Variants in CNGB3 observed in about 807,000 individuals in gnomAD.
CNGB3 encodes cyclic nucleotide gated channel subunit beta 3.
Under a neutral mutation model 92.8 loss-of-function variants are expected in CNGB3, and 86 were observed. That is an observed-to-expected ratio of 0.93 (90% CI 0.78 to 1.11). The LOEUF is 1.11. CNGB3 is among the 50% of genes least tolerant of loss of function. CNGB3 has a pLI of 0.00. For synonymous variants in CNGB3, 333 were observed against 332.7 expected (o/e 1.00, Z -0.01); for missense variants, 1,026 against 956.8 (o/e 1.07, Z -0.95).
intron 3 of CNGB3, among the ~76,000 whole-genome samples, chr8:86,690,524 T>A (rs1350886660): frequency 6.6e-6 from 1 of 152,240 alleles, no homozygotes; most frequent in Non-Finnish European, 1.5e-5. Flanking sequence ...TTCACTCTGA[T>A]GGTAGTTTCT....
At chr8:86,597,013 C>A (rs1320681603) in intron 15 of CNGB3, among the ~76,000 whole-genome samples, 1 of 143,906 alleles carries the variant, frequency 6.9e-6, no homozygotes, top group African/African-American at 2.6e-5. Context: ...ACATCATACA[C>A]TGGGGCCTGT....
chr8:86,580,841 G>A (rs1219453306), intron 15 of CNGB3, among the ~76,000 whole-genome samples: 1 of 152,176 alleles, frequency 6.6e-6, no homozygotes, highest in Non-Finnish European at 1.5e-5. Flanking sequence ...ACCCCTTGGA[G>A]TTAATCTGTT....
chr8:86,660,862 A>T, intron 6 of CNGB3: 1 of 403,976 alleles, frequency 2.5e-6, no homozygotes, highest in Non-Finnish European at 5.1e-6. Flanking sequence ...TCCTCTTCAT[A>T]AGGCCAGTTA....
chr8:86,578,759 G>C lies in CNGB3; in HGVS notation c.2033C>G (p.Thr678Ser). The C allele has an allele frequency of 6.2e-7, 1 of 1,614,080 alleles. No individual in the cohort carries two copies. Among genetic ancestry groups the C allele is most frequent in the Non-Finnish European group, 8.5e-7 (1 of 1,179,990 alleles). ...TGCTTTTCCTGTGCCTCCTAGGAGA[G>C]TTTTAAACAGTTTGGGTGTCTCTTC... ...PKEETPKLFK[T>S]LLGGTGKASL... Residue 678 changes from threonine (T) to serine (S), a missense_variant, in exon 17 of 18, where the codon ACT (threonine) becomes AGT (serine). By Grantham distance (58) the Thr-to-Ser change is moderately conservative. Transcript: ENST00000320005.
chr8:86,739,238 G>T (rs1183427345), intron 2 of CNGB3, among the ~76,000 whole-genome samples: 1 of 152,206 alleles, frequency 6.6e-6, no homozygotes, highest in Non-Finnish European at 1.5e-5. Flanking sequence ...GAGCAGAGGT[G>T]TGAGTGCTAA....
chr8:86,689,086 G>A (rs1241118055), intron 3 of CNGB3, among the ~76,000 whole-genome samples: 1 of 150,734 alleles, frequency 6.6e-6, no homozygotes, highest in Non-Finnish European at 1.5e-5. Flanking sequence ...TGTGTGTATA[G>A]TTTCCTCTTG....
At chr8:86,608,497 T>C (rs1184623366) in intron 14 of CNGB3, among the ~76,000 whole-genome samples, 1 of 152,208 alleles carries the variant, frequency 6.6e-6, no homozygotes, top group Non-Finnish European at 1.5e-5. Flanking sequence ...GAGAAGACTC[T>C]GCTCCTCCAC....
intron 14 of CNGB3, among the ~76,000 whole-genome samples, chr8:86,609,382 A>C (rs1242967497): frequency 6.6e-6 from 1 of 152,152 alleles, no homozygotes; most frequent in East Asian, 1.9e-4. Flanking sequence ...TCATATCACC[A>C]ATCTGCCTTC....
chr8:86,670,577 C>CT (rs1437516165), intron 4 of CNGB3, among the ~76,000 whole-genome samples: 7 of 151,690 alleles, frequency 4.6e-5, no homozygotes, highest in Middle Eastern at 3.2e-3. Flanking sequence ...TATTCTTTTT[C>CT]TTTTTTTTAA....
intron 10 of CNGB3, among the ~76,000 whole-genome samples, chr8:86,641,421 C>G (rs1823183476): frequency 6.6e-6 from 1 of 151,838 alleles, no homozygotes; most frequent in South Asian, 2.1e-4. Flanking sequence ...TGGACTTGCC[C>G]CAAATTCTTT....
chr8:86,731,475 G>A (rs1388836711), intron 2 of CNGB3, among the ~76,000 whole-genome samples: 1 of 152,184 alleles, frequency 6.6e-6, no homozygotes, highest in Non-Finnish European at 1.5e-5. Flanking sequence ...GAAAAAGAAC[G>A]TGGATCCATC....
chr8:86,637,546 T>A (rs998197759), intron 10 of CNGB3, among the ~76,000 whole-genome samples: 1 of 152,128 alleles, frequency 6.6e-6, no homozygotes, highest in Admixed American at 6.6e-5. Flanking sequence ...TCATTGTGAG[T>A]AGTTGGGACA....
At chr8:86,616,613 C>T (rs1411985261) in intron 13 of CNGB3, among the ~76,000 whole-genome samples, 3 of 152,050 alleles carry the variant, frequency 2.0e-5, no homozygotes, top group African/African-American at 7.2e-5. Context: ...GACAGGATTG[C>T]TTTGTAAATG....
chr8:86,657,337 C>G, intron 6 of CNGB3: 1 of 417,376 alleles, frequency 2.4e-6, no homozygotes, highest in Non-Finnish European at 4.8e-6. Context: ...GGGGATGGAG[C>G]CTCTGGCCCC....
chr8:86,659,616 C>T, intron 6 of CNGB3: 1 of 532,106 alleles, frequency 1.9e-6, no homozygotes, highest in South Asian at 1.6e-5. Flanking sequence ...AACTCTCCCA[C>T]ACGCGCCAGG....
rs1266563395 is a variant in CNGB3 at position 86,578,748 on chromosome 8, C to T, written c.2044G>A (p.Gly682Ser). 1 of 1,614,026 alleles carries T rather than the reference C, an allele frequency of 6.2e-7. No homozygotes were observed. The highest frequency in any genetic ancestry group is 8.5e-7 in the Non-Finnish European group (1 of 1,179,986). The change falls in exon 17 of 18, where the codon GGC becomes AGC. Residue 682 changes from glycine to serine, a missense_variant. Transcript: ENST00000320005. ...CTTGCAAGACTTGCTTTTCCTGTGC[C>T]TCCTAGGAGAGTTTTAAACAGTTTG... Reference protein sequence around the residue: ...TPKLFKTLLGGTGKASLARLL... With the variant: ...TPKLFKTLLGSTGKASLARLL...
At chr8:86,623,846 T>G (rs936378294) in intron 13 of CNGB3, among the ~76,000 whole-genome samples, 37 of 152,298 alleles carry the variant, frequency 2.4e-4, no homozygotes, top group African/African-American at 8.9e-4. Context: ...TCTTACCCTC[T>G]TCATGTAATC....
rs372310914 is a variant in CNGB3 at position 86,717,611 on chromosome 8, C to T, written c.338+8920G>A. Among the ~76,000 whole-genome samples the T allele has an allele frequency of 1.2e-4, 18 of 148,776 alleles. 1 individual carries two copies. The highest frequency in any genetic ancestry group is 6.0e-4 in the Admixed American group (9 of 14,902). On this transcript the variant is annotated intron_variant, in intron 3 of 17. Coordinates refer to ENST00000320005, the MANE Select transcript of CNGB3 (RefSeq NM_019098.5). Reference sequence around the variant, plus strand: ...GGACTTTAATACTCTACTGACAGAACTAGACAGGTCATCAAGACGGAAAAC... The same window carrying T: ...GGACTTTAATACTCTACTGACAGAATTAGACAGGTCATCAAGACGGAAAAC...
intron 15 of CNGB3, among the ~76,000 whole-genome samples, chr8:86,593,181 AG>A (rs1308885701): frequency 6.6e-6 from 1 of 152,232 alleles, no homozygotes; most frequent in Admixed American, 6.5e-5. Context: ...TCCCCTTAGC[AG>A]GTCTTGATTT....
Sources: gnomAD v4.1 joint callset for allele counts (sites outside exome capture counted in the v4.1 genomes callset) on GRCh38, gnomAD v4.1.1 for gene constraint, MANE v1.5 for transcripts, NCBI Gene and HGNC (gene_info 2026-07-23, HGNC 2026-07-21) for gene names.